The following RCAN2 variants were observed in gnomAD, a reference collection of about 807,000 sequenced individuals.
RCAN2 encodes the protein calcipressin-2.
Under a neutral mutation model 23.6 loss-of-function variants are expected in RCAN2, and 9 were observed. The ratio of observed to expected loss-of-function variants is 0.38; its 90% CI spans 0.23 to 0.67. RCAN2 has a LOEUF of 0.67. Among genes scored for constraint, RCAN2 ranks in the 30% least tolerant of loss-of-function variants. RCAN2 has a pLI of 0.51. For missense variants in RCAN2, 273 were observed against 302.3 expected (o/e 0.90, Z 0.72); for synonymous variants, 109 against 115.7 (o/e 0.94, Z 0.37).
intron 2 of RCAN2, among the ~76,000 whole-genome samples, chr6:46,410,465 C>G (rs1766516426): frequency 6.6e-6 from 1 of 152,046 alleles, no homozygotes; most frequent in African/African-American, 2.4e-5. Context: ...AAAAGGTAAC[C>G]AGGATTGGTG....
At chr6:46,487,373 A>G (rs1226137921) in intron 1 of RCAN2, among the ~76,000 whole-genome samples, 2 of 152,224 alleles carry the variant, frequency 1.3e-5, no homozygotes, top group Non-Finnish European at 2.9e-5. Context: ...TCTTAGATAA[A>G]TAGATGATAC....
intron 2 of RCAN2, among the ~76,000 whole-genome samples, chr6:46,365,125 A>G (rs1270364132): frequency 1.3e-5 from 2 of 152,148 alleles, no homozygotes; most frequent in Non-Finnish European, 2.9e-5. Context: ...AAAGTACATG[A>G]TAAATGTAAT....
At position 46,316,462 on chromosome 6, in the gene RCAN2, G is replaced by C. The variant is rs73452276; in HGVS notation, c.226-67566C>G. ...TCTCTCCAGGATGTCTCACTCTGGA[G>C]ACTAGACTTCCTTCTCACATGCCCT... On this transcript the variant is annotated intron_variant, in intron 2 of 4. Coordinates refer to ENST00000371374, the MANE Select transcript of RCAN2 (RefSeq NM_001251974.2). Among the ~76,000 whole-genome samples, 460 of 152,294 alleles carry C rather than the reference G, an allele frequency of 3.0e-3. 2 individuals carry two copies. The highest frequency in any genetic ancestry group is 0.011 in the African/African-American group (448 of 41,568).
intron 2 of RCAN2, among the ~76,000 whole-genome samples, chr6:46,345,007 C>G (rs1025697917): frequency 7.0e-6 from 1 of 143,448 alleles, no homozygotes; most frequent in African/African-American, 2.5e-5. Flanking sequence ...CATGTGATAT[C>G]TATTTAAATA....
At chr6:46,282,327 C>T (rs577070457) in intron 2 of RCAN2, among the ~76,000 whole-genome samples, 92 of 149,550 alleles carry the variant, frequency 6.2e-4, no homozygotes, top group Admixed American at 1.1e-3. Context: ...AGGCAGATCA[C>T]GAGATCGGGA....
At chr6:46,271,584 G>GT (rs2150333224) in intron 2 of RCAN2, among the ~76,000 whole-genome samples, 1 of 152,244 alleles carries the variant, frequency 6.6e-6, no homozygotes, top group African/African-American at 2.4e-5. Context: ...ACTAAGGCCA[G>GT]TACCTAATCC....
intron 2 of RCAN2, among the ~76,000 whole-genome samples, chr6:46,314,141 C>T (rs1763349727): frequency 6.6e-6 from 1 of 151,856 alleles, no homozygotes; most frequent in Non-Finnish European, 1.5e-5. Context: ...GTAGGCAGAT[C>T]ACTTGAGGCC....
At chr6:46,256,563 T>G (rs1004368038) in intron 2 of RCAN2, among the ~76,000 whole-genome samples, 3 of 152,036 alleles carry the variant, frequency 2.0e-5, no homozygotes, top group African/African-American at 7.2e-5. Context: ...ACTTCTACCT[T>G]TAGATGTATT....
intron 2 of RCAN2, among the ~76,000 whole-genome samples, chr6:46,394,738 T>C (rs1766040069): frequency 1.3e-5 from 2 of 152,206 alleles, no homozygotes; most frequent in African/African-American, 4.8e-5. Flanking sequence ...TTAACAGGAT[T>C]CCTCTCATTG....
At chr6:46,422,534 G>A (rs748220417) in intron 2 of RCAN2, among the ~76,000 whole-genome samples, 3 of 152,082 alleles carry the variant, frequency 2.0e-5, no homozygotes, top group African/African-American at 4.8e-5. Context: ...TTTTAAAAAC[G>A]AAGGAAGACA....
At chr6:46,392,145 A>G (rs1765955429) in intron 2 of RCAN2, among the ~76,000 whole-genome samples, 1 of 152,172 alleles carries the variant, frequency 6.6e-6, no homozygotes, top group Non-Finnish European at 1.5e-5. Context: ...AAGCCATGCT[A>G]TTAAATTCAG....
intron 2 of RCAN2, among the ~76,000 whole-genome samples, chr6:46,435,045 A>G (rs537311813): frequency 1.3e-5 from 2 of 152,306 alleles, no homozygotes; most frequent in Admixed American, 1.3e-4. Context: ...GCGATGCATT[A>G]TTTATTCATG....
intron 2 of RCAN2, among the ~76,000 whole-genome samples, chr6:46,307,900 G>C (rs1417200012): frequency 6.6e-6 from 1 of 152,182 alleles, no homozygotes. Flanking sequence ...GTTCAAGCAA[G>C]TTGGAAGAAG....
chr6:46,366,993 T>A (rs1765188975), intron 2 of RCAN2, among the ~76,000 whole-genome samples: 1 of 124,524 alleles, frequency 8.0e-6, no homozygotes, highest in South Asian at 2.7e-4. Context: ...AGGCTTTCTT[T>A]TTTATTTTAT....
chr6:46,253,379 G>C (rs1479303591), intron 2 of RCAN2, among the ~76,000 whole-genome samples: 2 of 152,172 alleles, frequency 1.3e-5, no homozygotes, highest in African/African-American at 4.8e-5. Flanking sequence ...AAATACCAAA[G>C]TGTCCATAAC....
At chr6:46,424,941 T>C (rs1766993406) in intron 2 of RCAN2, among the ~76,000 whole-genome samples, 1 of 152,122 alleles carries the variant, frequency 6.6e-6, no homozygotes, top group African/African-American at 2.4e-5. Context: ...AACAAAGCAG[T>C]CAAAAAGCCC....
intron 2 of RCAN2, among the ~76,000 whole-genome samples, chr6:46,404,511 T>C (rs1169836255): frequency 6.6e-6 from 1 of 152,222 alleles, no homozygotes; most frequent in Non-Finnish European, 1.5e-5. Context: ...CTATACGTTA[T>C]ATATCAAGTT....
chr6:46,243,168 G>A (rs1766367229), intron 4 of RCAN2, among the ~76,000 whole-genome samples: 1 of 152,176 alleles, frequency 6.6e-6, no homozygotes, highest in African/African-American at 2.4e-5. Context: ...CCTGCTCCCT[G>A]ATTGTTGCAG....
chr6:46,273,412 G>A (rs1899405), intron 2 of RCAN2, among the ~76,000 whole-genome samples: 119,382 of 152,122 alleles, frequency 0.78, 47,149 homozygotes, highest in Non-Finnish European at 0.83. Flanking sequence ...GCTTTCACAT[G>A]TGTTGTCTAC....
Sources: allele counts gnomAD v4.1 joint callset (sites outside exome capture counted in the v4.1 genomes callset), GRCh38; gene constraint gnomAD v4.1.1; transcripts MANE v1.5; gene names NCBI Gene and HGNC (gene_info 2026-07-23, HGNC 2026-07-21).